The following NCOR1 variants were observed in gnomAD, a reference collection of about 807,000 sequenced individuals.
The protein encoded by NCOR1 is nuclear receptor corepressor 1.
A neutral mutation model predicts 288.1 loss-of-function variants in NCOR1; 63 were observed. The ratio of observed to expected loss-of-function variants is 0.22; its 90% CI spans 0.18 to 0.27. The LOEUF is 0.27. Ranked by LOEUF, NCOR1 falls within the 10% of genes least tolerant of loss-of-function variation. The pLI is 1.00. For synonymous variants in NCOR1, 1,007 were observed against 1,065.9 expected (o/e 0.94, Z 1.08); for missense variants, 2,397 against 3,019.2 (o/e 0.79, Z 4.83).
chr17:16,071,802 C>T (rs1054772689), intron 29 of NCOR1, 137 bp from the exon 30 acceptor site: 1 of 781,656 alleles, frequency 1.3e-6, no homozygotes, highest in Non-Finnish European at 2.0e-6. Flanking sequence ...AATGCCTTGA[C>T]ATCTTGTAGT....
intron 1 of NCOR1, among the ~76,000 whole-genome samples, chr17:16,204,516 A>G (rs574595624): frequency 4.6e-5 from 7 of 152,352 alleles, no homozygotes; most frequent in African/African-American, 1.4e-4. Context: ...AATGTTTCCA[A>G]GTATCATATA....
chr17:16,123,594 A>G (rs1279747552), intron 15 of NCOR1, among the ~76,000 whole-genome samples: 1 of 152,230 alleles, frequency 6.6e-6, no homozygotes, highest in Non-Finnish European at 1.5e-5. Flanking sequence ...AAAGCTCTAC[A>G]TAATTTAATT....
chr17:16,213,106 T>G lies in NCOR1; in HGVS notation c.-71+2256A>C, dbSNP rs568104651. Among the ~76,000 whole-genome samples the G allele has an allele frequency of 1.7e-4, 26 of 152,144 alleles. No individual in the cohort carries two copies. In the South Asian group the frequency reaches 5.4e-3, roughly 32 times the overall value. ...AAAAAGTTATTAACTAATCTAATCT[T>G]TCCTATAAGTTAATTTCCATCATTT... On this transcript the variant is annotated intron_variant, in intron 1 of 45. Coordinates refer to ENST00000268712, the MANE Select transcript of NCOR1 (RefSeq NM_006311.4).
At chr17:16,070,027 C>T in intron 31 of NCOR1, 138 bp downstream of exon 31, 1 of 1,133,186 alleles carries the variant, frequency 8.8e-7, no homozygotes, top group Non-Finnish European at 1.2e-6. Context: ...GCCTTCCATA[C>T]TCCTAGACTC....
intron 3 of NCOR1, among the ~76,000 whole-genome samples, chr17:16,181,205 A>ATATATATG (rs1555787615): frequency 1.0e-5 from 1 of 98,994 alleles, no homozygotes; most frequent in Non-Finnish European, 2.0e-5. Context: ...GTATACATAT[A>ATATATATG]TATGTATGTG....
intron 18 of NCOR1, among the ~76,000 whole-genome samples, chr17:16,113,910 A>G (rs1212432128): frequency 6.6e-6 from 1 of 152,006 alleles, no homozygotes; most frequent in Non-Finnish European, 1.5e-5. Flanking sequence ...AAGAAAAAAG[A>G]AAAAAATCTG....
At chr17:16,132,375 ACT>A in intron 14 of NCOR1, among the ~76,000 whole-genome samples, 1 of 152,164 alleles carries the variant, frequency 6.6e-6, no homozygotes. Context: ...AGGGGAAGAA[ACT>A]CTTACTGCTA....
chr17:16,047,072 C>G lies in NCOR1; in HGVS notation c.6558G>C (p.Gly2186=). The G allele has an allele frequency of 6.2e-7, 1 of 1,612,728 alleles. No individual in the cohort carries two copies. Among genetic ancestry groups the G allele is most frequent in the Non-Finnish European group, 8.5e-7 (1 of 1,179,414 alleles). Residue 2186 remains glycine, a synonymous_variant, in exon 42 of 46, where the codon GGG becomes GGC. Transcript: ENST00000268712. ...AEQRNDARSP[G]SISYLPSFFT... ...AGAATGAAGGCAAGTAGCTTATACT[C>G]CCTGGTGAGCGGGCATCATTCCTGT...
chr17:16,187,514 A>G (rs116195780), intron 2 of NCOR1, among the ~76,000 whole-genome samples: 1,664 of 149,778 alleles, frequency 0.011, 37 homozygotes, highest in African/African-American at 0.038. Flanking sequence ...GAACACAGAC[A>G]AACATAGAAA....
intron 14 of NCOR1, among the ~76,000 whole-genome samples, chr17:16,130,744 C>T (rs1392383219): frequency 6.6e-6 from 1 of 152,116 alleles, no homozygotes; most frequent in African/African-American, 2.4e-5. Flanking sequence ...AGTACAGCGG[C>T]GCAATCTTGG....
chr17:16,124,603 C>A (rs151245282), intron 15 of NCOR1, among the ~76,000 whole-genome samples: 1,694 of 152,284 alleles, frequency 0.011, 20 homozygotes, highest in Non-Finnish European at 0.018. Flanking sequence ...GTCATGCCCC[C>A]ACTCCTACCA....
intron 23 of NCOR1, 71 bp downstream of exon 23, chr17:16,086,211 C>A (rs573068760): frequency 4.1e-6 from 6 of 1,454,288 alleles, no homozygotes; most frequent in Admixed American, 1.8e-5. Flanking sequence ...CAAATCAGTG[C>A]GAGGAGGGAG....
At chr17:16,142,429 G>A (rs1350787663) in intron 11 of NCOR1, among the ~76,000 whole-genome samples, 2 of 152,086 alleles carry the variant, frequency 1.3e-5, no homozygotes, top group African/African-American at 4.8e-5. Flanking sequence ...ATTTTGAGAT[G>A]AGGTTTAAGA....
At chr17:16,134,881 C>T (rs1014338016) in intron 14 of NCOR1, among the ~76,000 whole-genome samples, 1 of 152,090 alleles carries the variant, frequency 6.6e-6, no homozygotes, top group Non-Finnish European at 1.5e-5. Flanking sequence ...CAGCTGAGGC[C>T]GGGCGCCGTG....
chr17:16,124,200 A>G (rs954967063), intron 15 of NCOR1, among the ~76,000 whole-genome samples: 1 of 152,222 alleles, frequency 6.6e-6, no homozygotes, highest in African/African-American at 2.4e-5. Context: ...TAAATCTTAA[A>G]CAGTTCCACA....
chr17:16,065,691 G>A lies in NCOR1; in HGVS notation c.4745C>T (p.Ala1582Val), dbSNP rs200294041. The change falls in exon 33 of 46, where the codon GCG becomes GTG. Residue 1582 changes from alanine to valine, a missense_variant. Transcript: ENST00000268712. ...CTGTCTCTGAAACAGGTAAGCAGCC[G>A]CTGCTGATTGAGAGAATGAAAGAAA... is the stretch of plus-strand genomic sequence containing the variant. ...MPFHRALDPA[A>V]AAYLFQRQLS... The A allele has an allele frequency of 1.9e-6, 3 of 1,614,016 alleles. No individual in the cohort carries two copies. Among genetic ancestry groups the A allele is most frequent in the South Asian group, 1.1e-5 (1 of 91,066 alleles).
intron 30 of NCOR1, 141 bp downstream of exon 30, chr17:16,071,268 A>G (rs1354480516): frequency 1.6e-6 from 2 of 1,272,138 alleles, no homozygotes; most frequent in Non-Finnish European, 2.2e-6. Flanking sequence ...CACAGAGGAA[A>G]AAAAAAAAAG....
chr17:16,102,891 G>T (rs936028562), intron 19 of NCOR1, among the ~76,000 whole-genome samples: 1 of 152,168 alleles, frequency 6.6e-6, no homozygotes, highest in Non-Finnish European at 1.5e-5. Flanking sequence ...ACCGCACCCA[G>T]CCTGCATATC....
chr17:16,115,427 A>G (rs2071387582), intron 18 of NCOR1, among the ~76,000 whole-genome samples: 1 of 152,098 alleles, frequency 6.6e-6, no homozygotes, highest in Non-Finnish European at 1.5e-5. Context: ...AGAAAATGGG[A>G]TTTTCTTTTC....
Sources: allele counts gnomAD v4.1 joint callset (sites outside exome capture counted in the v4.1 genomes callset), GRCh38; gene constraint gnomAD v4.1.1; transcripts MANE v1.5; gene names NCBI Gene and HGNC (gene_info 2026-07-23, HGNC 2026-07-21).